FRAS1: variants seen among roughly 807,000 people sequenced by gnomAD.
The protein encoded by FRAS1 is extracellular matrix organizing protein FRAS1.
In FRAS1, 290 loss-of-function variants were observed where a neutral mutation model predicts 435.2. The ratio of observed to expected loss-of-function variants is 0.67; its 90% CI spans 0.61 to 0.73. The LOEUF is 0.73. Ranked by LOEUF, FRAS1 falls within the 30% of genes least tolerant of loss-of-function variation. The pLI is 0.00. For synonymous variants in FRAS1, 1,800 were observed against 1,851.0 expected, an observed-to-expected ratio of 0.97 and a Z score of 0.71; for missense variants, 4,860 against 5,001.5, an observed-to-expected ratio of 0.97 and a Z score of 0.85.
chr4:78,502,033 T>A (rs1333084601), intron 61 of FRAS1, among the ~76,000 whole-genome samples: 1 of 152,194 alleles, frequency 6.6e-6, no homozygotes, highest in Non-Finnish European at 1.5e-5. Flanking sequence ...GTTGTAAATG[T>A]GTGGTGTTAT....
At chr4:78,138,555 G>T (rs1433409360) in intron 2 of FRAS1, among the ~76,000 whole-genome samples, 1 of 152,124 alleles carries the variant, frequency 6.6e-6, no homozygotes, top group African/African-American at 2.4e-5. Flanking sequence ...GGCTTTTCCA[G>T]CCTTGATAAG....
At chr4:78,408,135 A>G (rs1483854123) in intron 31 of FRAS1, among the ~76,000 whole-genome samples, 11 of 152,200 alleles carry the variant, frequency 7.2e-5, no homozygotes, top group Admixed American at 7.2e-4. Context: ...AGCCAAGTGA[A>G]AAGGGAAACT....
chr4:78,249,044 T>TG (rs1313727861), intron 4 of FRAS1, among the ~76,000 whole-genome samples: 1 of 36,666 alleles, frequency 2.7e-5, no homozygotes, highest in African/African-American at 9.9e-5. Context: ...TATGAAGAAC[T>TG]ACTGATATAT....
intron 8 of FRAS1, 52 bp from the exon 9 acceptor site, chr4:78,267,189 G>A (rs913559777): frequency 6.4e-7 from 1 of 1,565,438 alleles, no homozygotes. Context: ...GTTGGCTTGG[G>A]TGTTTCACCG....
At chr4:78,317,627 C>T in intron 17 of FRAS1, 119 bp downstream of exon 17, 5 of 907,540 alleles carry the variant, frequency 5.5e-6, no homozygotes, top group East Asian at 5.7e-5. Flanking sequence ...TTATGGCTAT[C>T]CATACATTAT....
In FRAS1 at chr4:78,496,835, G is replaced by A. The variant is rs754162427; in HGVS notation, c.8989G>A (p.Asp2997Asn). 1 of 1,613,740 alleles carries A rather than the reference G, an allele frequency of 6.2e-7. No homozygotes were observed. Among genetic ancestry groups the A allele is most frequent in the Non-Finnish European group, 8.5e-7 (1 of 1,179,764 alleles). ...VKNCTVYIHD[D>N]SMFEPEEQFR... ...GAACTGTACGGTCTATATCCACGAT[G>A]ACTCCATGTTTGAGCCAGAGGAACA... The change falls in exon 60 of 74, where the codon GAC becomes AAC. Residue 2997 changes from aspartate (D) to asparagine (N), a missense_variant. Physicochemically the swap from Asp to Asn is conservative, Grantham distance 23 (BLOSUM62 1). Transcript: ENST00000512123.
chr4:78,136,622 G>A (rs1349606376), intron 2 of FRAS1, among the ~76,000 whole-genome samples: 1 of 152,192 alleles, frequency 6.6e-6, no homozygotes, highest in Non-Finnish European at 1.5e-5. Flanking sequence ...GAATGAGGAA[G>A]AGGCTCAAAG....
At chr4:78,194,950 C>T (rs189812557) in intron 2 of FRAS1, among the ~76,000 whole-genome samples, 23 of 152,178 alleles carry the variant, frequency 1.5e-4, no homozygotes, top group African/African-American at 3.6e-4. Context: ...ATGGGGTTTT[C>T]GTGTGGATGT....
chr4:78,064,348 C>T (rs1739893490), intron 1 of FRAS1, among the ~76,000 whole-genome samples: 1 of 151,014 alleles, frequency 6.6e-6, no homozygotes, highest in Non-Finnish European at 1.5e-5. Flanking sequence ...AATATTAATG[C>T]CATGGCTAGA....
At chr4:78,355,394 TC>T (rs1730810291) in intron 20 of FRAS1, among the ~76,000 whole-genome samples, 2 of 152,102 alleles carry the variant, frequency 1.3e-5, no homozygotes, top group Non-Finnish European at 2.9e-5. Flanking sequence ...TCTTAATGAG[TC>T]TTATATTTAA....
intron 2 of FRAS1, among the ~76,000 whole-genome samples, chr4:78,137,517 G>A (rs1719974371): frequency 2.0e-5 from 3 of 152,136 alleles, no homozygotes; most frequent in Admixed American, 2.0e-4. Context: ...TAATATCATA[G>A]ATTATTCATT....
At chr4:78,370,616 C>T (rs924828311) in intron 23 of FRAS1, among the ~76,000 whole-genome samples, 2 of 152,196 alleles carry the variant, frequency 1.3e-5, no homozygotes, top group African/African-American at 4.8e-5. Context: ...TTTGCATTTA[C>T]AACTTGAGAT....
intron 2 of FRAS1, among the ~76,000 whole-genome samples, chr4:78,210,835 A>G (rs1233790536): frequency 6.6e-6 from 1 of 152,200 alleles, no homozygotes; most frequent in East Asian, 1.9e-4. Flanking sequence ...AGGTTATAAA[A>G]TCACAGGGCC....
intron 18 of FRAS1, among the ~76,000 whole-genome samples, chr4:78,322,434 G>A (rs1729546880): frequency 6.6e-6 from 1 of 152,146 alleles, no homozygotes; most frequent in Non-Finnish European, 1.5e-5. Flanking sequence ...TTCTTTTATA[G>A]CACCTTTAGT....
chr4:78,254,592 C>CT (rs757511339), intron 5 of FRAS1, among the ~76,000 whole-genome samples: 1 of 152,080 alleles, frequency 6.6e-6, no homozygotes, highest in Non-Finnish European at 1.5e-5. Context: ...TTGTGGGATT[C>CT]TTTCTTAAGT....
chr4:78,177,349 T>C (rs1721819838), intron 2 of FRAS1, among the ~76,000 whole-genome samples: 1 of 152,218 alleles, frequency 6.6e-6, no homozygotes, highest in Admixed American at 6.5e-5. Flanking sequence ...TTCTAAATGG[T>C]ATTTTTGAAA....
At chr4:78,430,438 T>C in intron 37 of FRAS1, 21 bp downstream of exon 37, 2 of 1,602,130 alleles carry the variant, frequency 1.2e-6, no homozygotes, top group Non-Finnish European at 1.7e-6. Flanking sequence ...ACCTACACAC[T>C]CTGTCACTGA....
intron 1 of FRAS1, among the ~76,000 whole-genome samples, chr4:78,059,201 G>C (rs1299266935): frequency 6.6e-6 from 1 of 152,120 alleles, no homozygotes; most frequent in Admixed American, 6.5e-5. Flanking sequence ...TCGAGCTCTG[G>C]CGCAGGACTG....
chr4:78,131,489 T>G (rs1719680289), intron 2 of FRAS1, among the ~76,000 whole-genome samples: 2 of 152,226 alleles, frequency 1.3e-5, no homozygotes, highest in Non-Finnish European at 2.9e-5. Flanking sequence ...TCTTTATGAT[T>G]ATAGAGGAAT....
Sources: allele counts gnomAD v4.1 joint callset (sites outside exome capture counted in the v4.1 genomes callset), GRCh38; gene constraint gnomAD v4.1.1; transcripts MANE v1.5; gene names NCBI Gene and HGNC (gene_info 2026-07-23, HGNC 2026-07-21).